Variants in CSRNP3 observed in about 807,000 individuals in gnomAD.
CSRNP3 encodes cysteine and serine rich nuclear protein 3.
In CSRNP3, 12 loss-of-function variants were observed where a neutral mutation model predicts 48.0. The ratio of observed to expected loss-of-function variants is 0.25; its 90% CI spans 0.16 to 0.41. The LOEUF is 0.41. Ranked by LOEUF, CSRNP3 falls within the 10% of genes least tolerant of loss-of-function variation. The pLI, the probability that CSRNP3 is intolerant of heterozygous loss-of-function variation, is 1.00. For missense variants in CSRNP3, 580 were observed against 724.4 expected (o/e 0.80, Z 2.29); for synonymous variants, 263 against 269.7 (o/e 0.98, Z 0.24).
intron 4 of CSRNP3, among the ~76,000 whole-genome samples, chr2:165,622,133 G>C (rs1337860612): frequency 6.6e-6 from 1 of 152,008 alleles, no homozygotes; most frequent in Non-Finnish European, 1.5e-5. Context: ...ATTTGGAAAA[G>C]AGTATCTCTA....
intron 4 of CSRNP3, among the ~76,000 whole-genome samples, chr2:165,655,270 C>A (rs1162758348): frequency 6.6e-6 from 1 of 152,154 alleles, no homozygotes; most frequent in Non-Finnish European, 1.5e-5. Flanking sequence ...GTGGCCTCAG[C>A]TGCATGCTGA....
At chr2:165,558,713 G>A (rs950396687) in intron 3 of CSRNP3, among the ~76,000 whole-genome samples, 6 of 152,070 alleles carry the variant, frequency 3.9e-5, no homozygotes, top group African/African-American at 1.4e-4. Context: ...AAAAATTAAA[G>A]TAAACAGCAT....
intron 4 of CSRNP3, among the ~76,000 whole-genome samples, chr2:165,656,708 TA>T (rs1558964205): frequency 6.6e-6 from 1 of 152,204 alleles, no homozygotes; most frequent in African/African-American, 2.4e-5. Flanking sequence ...ATAAAATATC[TA>T]AATAGTGCCA....
chr2:165,541,597 G>A (rs757390413), intron 3 of CSRNP3, among the ~76,000 whole-genome samples: 3 of 152,074 alleles, frequency 2.0e-5, no homozygotes, highest in South Asian at 2.1e-4. Context: ...GACACACATC[G>A]TGGGATACAA....
intron 3 of CSRNP3, among the ~76,000 whole-genome samples, chr2:165,520,784 T>TAC: frequency 3.1e-4 from 1 of 3,212 alleles, no homozygotes; most frequent in Non-Finnish European, 5.5e-4. Context: ...ATATATATAT[T>TAC]ATATATATAT....
At chr2:165,593,752 C>T (rs928495623) in intron 3 of CSRNP3, among the ~76,000 whole-genome samples, 12 of 152,122 alleles carry the variant, frequency 7.9e-5, no homozygotes, top group African/African-American at 2.9e-4. Context: ...GTCTTCAATT[C>T]CTCAGGTGTG....
At chr2:165,654,829 C>A (rs1424719025) in intron 4 of CSRNP3, among the ~76,000 whole-genome samples, 2 of 152,122 alleles carry the variant, frequency 1.3e-5, no homozygotes, top group Non-Finnish European at 2.9e-5. Flanking sequence ...AGGATTTCAC[C>A]ATGTTAGCCA....
intron 3 of CSRNP3, among the ~76,000 whole-genome samples, chr2:165,568,602 C>T (rs1685328133): frequency 6.6e-6 from 1 of 152,036 alleles, no homozygotes; most frequent in South Asian, 2.1e-4. Context: ...TTTCAAGAGG[C>T]TCAAGTGGAA....
chr2:165,557,175 C>T (rs1179333479), intron 3 of CSRNP3, among the ~76,000 whole-genome samples: 1 of 152,056 alleles, frequency 6.6e-6, no homozygotes, highest in Non-Finnish European at 1.5e-5. Flanking sequence ...AAGAAAAGAA[C>T]ACTTCATGAC....
At chr2:165,580,910 A>G (rs1201539264) in intron 3 of CSRNP3, among the ~76,000 whole-genome samples, 1 of 152,054 alleles carries the variant, frequency 6.6e-6, no homozygotes, top group Non-Finnish European at 1.5e-5. Context: ...TGTCCAAGGA[A>G]TTAGGCTAAG....
Position 165,595,186 on chromosome 2 carries a change from A to T in CSRNP3, c.121A>T (p.Asn41Tyr). The T allele has an allele frequency of 6.2e-7, 1 of 1,614,156 alleles. No individual in the cohort carries two copies. The highest frequency in any genetic ancestry group is 1.3e-5 in the African/African-American group (1 of 75,054). Residue 41 changes from asparagine (N) to tyrosine (Y), a missense_variant, in exon 4 of 7, where the codon AAT becomes TAT. Physicochemically the swap from Asn to Tyr is moderately radical, Grantham distance 143 (BLOSUM62 -2). Around this residue, in one of 4 missense-constraint regions of CSRNP3, gnomAD observed 83 missense variants for 139.6 expected, o/e 0.59. Coordinates refer to ENST00000651982, the MANE Select transcript of CSRNP3 (RefSeq NM_001172173.2). The stretch of plus-strand genomic sequence containing the variant: ...AAGTGCTGACAGTGGGGACAGTGTC[A>T]ATCCATCCACTTCTAGTCATTTTAC... Reference protein sequence around the residue: ...SESADSGDSVNPSTSSHFTPS... With the variant: ...SESADSGDSVYPSTSSHFTPS...
chr2:165,593,896 A>G (rs1685766561), intron 3 of CSRNP3, among the ~76,000 whole-genome samples: 1 of 152,224 alleles, frequency 6.6e-6, no homozygotes. Context: ...TTGAGCACCT[A>G]CATGATGCCA....
chr2:165,596,552 CA>C (rs761913475), intron 4 of CSRNP3, among the ~76,000 whole-genome samples: 3 of 151,910 alleles, frequency 2.0e-5, no homozygotes, highest in Admixed American at 6.6e-5. Flanking sequence ...ACTAATTAGA[CA>C]ATATGATGAA....
At chr2:165,599,974 G>A (rs1205780016) in intron 4 of CSRNP3, among the ~76,000 whole-genome samples, 2 of 148,900 alleles carry the variant, frequency 1.3e-5, no homozygotes, top group Non-Finnish European at 3.0e-5. Context: ...GGGTACATGT[G>A]CACAATGTGC....
intron 4 of CSRNP3, among the ~76,000 whole-genome samples, chr2:165,647,960 C>T (rs767930411): frequency 2.0e-5 from 3 of 152,028 alleles, no homozygotes; most frequent in African/African-American, 7.2e-5. Flanking sequence ...AAAGTTAAAA[C>T]GGAGCTTCTG....
At position 165,611,379 on chromosome 2, in the gene CSRNP3, G is replaced by GTGTGTGTGTA. The variant is rs56146559; in HGVS notation, c.148+16167_148+16168insGTGTGTGTAT. ...TCACGATATATGTGTGTGTGTGTGT[G>GTGTGTGTGTA]TATATACATACATATATATATGTAT... On this transcript the variant is annotated intron_variant, in intron 4 of 6. Coordinates refer to ENST00000651982, the MANE Select transcript of CSRNP3 (RefSeq NM_001172173.2). 7.3e-3 allele frequency among the ~76,000 whole-genome samples: 1,097 copies of GTGTGTGTGTA among 151,046 alleles called. 12 individuals carry two copies. The highest frequency in any genetic ancestry group is 0.018 in the African/African-American group (730 of 41,108).
At chr2:165,564,339 A>G (rs1311983453) in intron 3 of CSRNP3, among the ~76,000 whole-genome samples, 1 of 152,120 alleles carries the variant, frequency 6.6e-6, no homozygotes, top group Non-Finnish European at 1.5e-5. Context: ...TCTTCTTATT[A>G]AAATAACTTT....
intron 4 of CSRNP3, among the ~76,000 whole-genome samples, chr2:165,615,803 C>G (rs1686229932): frequency 6.6e-6 from 1 of 151,256 alleles, no homozygotes; most frequent in South Asian, 2.1e-4. Context: ...GGTGCAATCA[C>G]AGCTCACTGC....
At chr2:165,634,371 A>G (rs1686593026) in intron 4 of CSRNP3, among the ~76,000 whole-genome samples, 1 of 152,316 alleles carries the variant, frequency 6.6e-6, no homozygotes, top group South Asian at 2.1e-4. Flanking sequence ...ACAGAAAAAC[A>G]TTATTTGAAA....
Sources: gnomAD v4.1 joint callset for allele counts (sites outside exome capture counted in the v4.1 genomes callset) on GRCh38, gnomAD v4.1.1 for gene constraint, gnomAD v4.1.1 regional missense constraint, MANE v1.5 for transcripts, NCBI Gene and HGNC (gene_info 2026-07-23, HGNC 2026-07-21) for gene names.